Variants in STX18 observed in about 807,000 individuals in gnomAD.
STX18 encodes the protein syntaxin 18, also known as syntaxin-18.
STX18 carries 40 observed loss-of-function variants against 50.1 expected under a neutral mutation model. The observed-to-expected ratio is 0.80, with a 90% confidence interval of 0.62 to 1.04. The LOEUF is 1.04. Among genes scored for constraint, STX18 ranks in the 50% least tolerant of loss-of-function variants. STX18 has a pLI of 0.00. For synonymous variants in STX18, 158 were observed against 151.8 expected, an observed-to-expected ratio of 1.04 and a Z score of -0.30; for missense variants, 410 against 415.8, an observed-to-expected ratio of 0.99 and a Z score of 0.12.
intron 1 of STX18, among the ~76,000 whole-genome samples, chr4:4,540,393 C>G (rs1422282512): frequency 6.6e-6 from 1 of 152,228 alleles, no homozygotes; most frequent in Non-Finnish European, 1.5e-5. Context: ...ACATTCCAGT[C>G]TCACTCAAAT....
chr4:4,526,583 A>G (rs1730770748), intron 1 of STX18, among the ~76,000 whole-genome samples: 1 of 152,214 alleles, frequency 6.6e-6, no homozygotes, highest in African/African-American at 2.4e-5. Context: ...TGCACCATGG[A>G]AGATGCTGAT....
At chr4:4,513,239 G>A (rs528382956) in intron 1 of STX18, among the ~76,000 whole-genome samples, 2 of 152,000 alleles carry the variant, frequency 1.3e-5, no homozygotes, top group African/African-American at 4.8e-5. Flanking sequence ...TTCTGATAGA[G>A]GGGGGGACCC....
chr4:4,513,340 T>C (rs915210615), intron 1 of STX18, among the ~76,000 whole-genome samples: 1 of 151,656 alleles, frequency 6.6e-6, no homozygotes, highest in Non-Finnish European at 1.5e-5. Context: ...CCAGTAGAAG[T>C]AGACTCAAGC....
At chr4:4,529,951 G>A (rs1221032737) in intron 1 of STX18, among the ~76,000 whole-genome samples, 1 of 152,134 alleles carries the variant, frequency 6.6e-6, no homozygotes, top group Non-Finnish European at 1.5e-5. Context: ...AAATCCAGCT[G>A]AGTTACAGGA....
intron 2 of STX18, among the ~76,000 whole-genome samples, chr4:4,469,114 T>C (rs1727778076): frequency 6.6e-6 from 1 of 152,018 alleles, no homozygotes; most frequent in Non-Finnish European, 1.5e-5. Flanking sequence ...CAGATGAGCA[T>C]TAGGAGAAAA....
chr4:4,515,524 G>C (rs9291146), intron 1 of STX18, among the ~76,000 whole-genome samples: 1 of 151,924 alleles, frequency 6.6e-6, no homozygotes, highest in Non-Finnish European at 1.5e-5. Context: ...TAAGAGACAC[G>C]ATTTGAAATG....
At chr4:4,487,543 C>G (rs1031287858) in intron 1 of STX18, among the ~76,000 whole-genome samples, 3 of 152,174 alleles carry the variant, frequency 2.0e-5, no homozygotes, top group African/African-American at 7.2e-5. Flanking sequence ...AGACTCTAAG[C>G]CTGTGCTCTT....
chr4:4,525,578 A>C (rs186020538), intron 1 of STX18, among the ~76,000 whole-genome samples: 1 of 152,334 alleles, frequency 6.6e-6, no homozygotes, highest in Non-Finnish European at 1.5e-5. Flanking sequence ...ACAAAGACCA[A>C]GAAGATATGG....
intron 2 of STX18, among the ~76,000 whole-genome samples, chr4:4,469,496 T>C (rs1727801326): frequency 6.6e-6 from 1 of 152,178 alleles, no homozygotes; most frequent in East Asian, 1.9e-4. Context: ...AAGAACCGGA[T>C]GACCAAAAAT....
chr4:4,530,748 G>T (rs1326185577), intron 1 of STX18, among the ~76,000 whole-genome samples: 1 of 152,116 alleles, frequency 6.6e-6, no homozygotes, highest in African/African-American at 2.4e-5. Context: ...TGAGATTACA[G>T]GTGTGTGCCA....
chr4:4,502,106 T>A (rs1220891663), intron 1 of STX18, among the ~76,000 whole-genome samples: 1 of 152,228 alleles, frequency 6.6e-6, no homozygotes. Context: ...ACTCATTTGA[T>A]GTACACACAA....
At chr4:4,511,824 G>A (rs951035583) in intron 1 of STX18, among the ~76,000 whole-genome samples, 5 of 149,590 alleles carry the variant, frequency 3.3e-5, no homozygotes, top group Admixed American at 6.7e-5. Flanking sequence ...CAAAACAGAA[G>A]GAGAGGAGAT....
intron 1 of STX18, among the ~76,000 whole-genome samples, chr4:4,473,535 C>T (rs947077809): frequency 3.3e-5 from 5 of 152,124 alleles, no homozygotes; most frequent in Admixed American, 6.5e-5. Flanking sequence ...CCTCGCGATC[C>T]GCCCGCCTCA....
At chr4:4,481,239 G>A (rs1560186171) in intron 1 of STX18, among the ~76,000 whole-genome samples, 1 of 152,190 alleles carries the variant, frequency 6.6e-6, no homozygotes, top group African/African-American at 2.4e-5. Flanking sequence ...GTCCTTTGCT[G>A]ATCACAGCAG....
At chr4:4,518,614 G>T (rs1278583957) in intron 1 of STX18, among the ~76,000 whole-genome samples, 1 of 151,676 alleles carries the variant, frequency 6.6e-6, no homozygotes, top group Admixed American at 6.6e-5. Flanking sequence ...AAACATAAGG[G>T]TTTTTAAAAA....
At chr4:4,516,896 G>A (rs548078022) in intron 1 of STX18, among the ~76,000 whole-genome samples, 1 of 152,250 alleles carries the variant, frequency 6.6e-6, no homozygotes, top group African/African-American at 2.4e-5. Context: ...GGAGAATTCA[G>A]TATTTGGTCC....
intron 1 of STX18, among the ~76,000 whole-genome samples, chr4:4,509,996 T>G (rs1299700578): frequency 6.6e-6 from 1 of 152,256 alleles, no homozygotes; most frequent in African/African-American, 2.4e-5. Flanking sequence ...GTCAGGTAGG[T>G]AGACAACTAT....
chr4:4,473,742 CA>C (rs1728039251), intron 1 of STX18, among the ~76,000 whole-genome samples: 1 of 152,160 alleles, frequency 6.6e-6, no homozygotes, highest in Admixed American at 6.5e-5. Context: ...CCCTGCCTAC[CA>C]GGGGTCAAAC....
Position 4,457,223 on chromosome 4 carries a change from G to C in STX18, c.465C>G (p.Ile155Met), listed in dbSNP as rs1329067636. 3.1e-6 allele frequency: 5 copies of C among 1,614,052 alleles called. No homozygotes were observed. The highest frequency in any genetic ancestry group is 4.2e-6 in the Non-Finnish European group (5 of 1,179,982). ...VCKLYSEQRA[I>M]RVKRVVDKKR... is the part of the protein sequence containing the mutation. ...TCTTATCCACCACTCTTTTAACTCG[G>C]ATGGCTCTCTGTTCTGAGTAAAGTT... Residue 155 changes from isoleucine to methionine, a missense_variant, in exon 5 of 11, where the codon ATC becomes ATG. Ile to Met is a conservative substitution (Grantham distance 10). Transcript: ENST00000306200.
Sources: allele counts gnomAD v4.1 joint callset (sites outside exome capture counted in the v4.1 genomes callset), GRCh38; gene constraint gnomAD v4.1.1; transcripts MANE v1.5; gene names NCBI Gene and HGNC (gene_info 2026-07-23, HGNC 2026-07-21).